ANO2: variants seen among roughly 807,000 people sequenced by gnomAD.
The protein encoded by ANO2 is anoctamin 2.
Under a neutral mutation model 124.2 loss-of-function variants are expected in ANO2, and 101 were observed. That is an observed-to-expected ratio of 0.81 (90% CI 0.69 to 0.96). ANO2 has a LOEUF of 0.96. Ranked by LOEUF, ANO2 falls within the 40% of genes least tolerant of loss-of-function variation. The pLI is 0.00. For missense variants in ANO2, 1,293 were observed against 1,274.5 expected, an observed-to-expected ratio of 1.01 and a Z score of -0.22; for synonymous variants, 486 against 482.5, an observed-to-expected ratio of 1.01 and a Z score of -0.09.
chr12:5,773,706 T>C (rs1171399826), intron 10 of ANO2, among the ~76,000 whole-genome samples: 2 of 151,946 alleles, frequency 1.3e-5, no homozygotes, highest in Non-Finnish European at 2.9e-5. Flanking sequence ...CCCAGAAAGG[T>C]TCTCTCCAAG....
intron 4 of ANO2, among the ~76,000 whole-genome samples, chr12:5,845,446 A>G (rs1327959825): frequency 3.3e-5 from 5 of 151,742 alleles, no homozygotes; most frequent in African/African-American, 1.2e-4. Flanking sequence ...AGGCACCTGT[A>G]GTCCCAGCTA....
chr12:5,610,861 A>C (rs113347142), intron 19 of ANO2, among the ~76,000 whole-genome samples: 9,259 of 82,006 alleles, frequency 0.11, 433 homozygotes, highest in African/African-American at 0.16. Context: ...CACACACACA[A>C]CCCTAAGGGA....
intron 10 of ANO2, among the ~76,000 whole-genome samples, chr12:5,761,058 C>CA (rs34278479): frequency 0.33 from 40,254 of 120,550 alleles, 7,554 homozygotes; most frequent in East Asian, 0.55. Flanking sequence ...ACCCCCACAG[C>CA]AAAAAAAAAA....
chr12:5,668,384 C>G (rs796385875), intron 14 of ANO2, among the ~76,000 whole-genome samples: 6 of 152,034 alleles, frequency 3.9e-5, no homozygotes, highest in Non-Finnish European at 7.3e-5. Flanking sequence ...GTCCTCTCCC[C>G]ACTTTTTAAT....
At chr12:5,602,820 A>G (rs773788477) in intron 19 of ANO2, among the ~76,000 whole-genome samples, 3 of 152,226 alleles carry the variant, frequency 2.0e-5, no homozygotes, top group Non-Finnish European at 2.9e-5. Context: ...GGAATCAAAA[A>G]TAGGTTACAA....
chr12:5,736,375 T>C (rs142525811), intron 13 of ANO2, among the ~76,000 whole-genome samples: 3 of 152,284 alleles, frequency 2.0e-5, no homozygotes, highest in East Asian at 3.9e-4. Flanking sequence ...TGTATGTCAG[T>C]TGGCACCCTC....
intron 4 of ANO2, among the ~76,000 whole-genome samples, chr12:5,839,138 C>T (rs1954425200): frequency 6.6e-6 from 1 of 152,166 alleles, no homozygotes; most frequent in South Asian, 2.1e-4. Flanking sequence ...CCTGTGAGTC[C>T]AGCTCGCTGC....
At chr12:5,707,048 C>T (rs892429398) in intron 14 of ANO2, among the ~76,000 whole-genome samples, 4 of 152,174 alleles carry the variant, frequency 2.6e-5, no homozygotes, top group African/African-American at 9.7e-5. Context: ...TCTGTGTCCC[C>T]ACCCAAATCT....
intron 14 of ANO2, among the ~76,000 whole-genome samples, chr12:5,730,408 G>A (rs12315906): frequency 0.019 from 2,939 of 152,246 alleles, 86 homozygotes; most frequent in African/African-American, 0.062. Flanking sequence ...GCACCACTCT[G>A]GGCCTCAGTA....
intron 16 of ANO2, among the ~76,000 whole-genome samples, chr12:5,631,392 C>G (rs538217082): frequency 6.6e-6 from 1 of 152,322 alleles, no homozygotes; most frequent in South Asian, 2.1e-4. Context: ...ACCAACTCCC[C>G]CAGAGTGCAC....
Position 5,787,900 on chromosome 12 carries a change from T to C in ANO2, c.1055+11607A>G, listed in dbSNP as rs1353508233. Among the ~76,000 whole-genome samples, 2 of 152,108 alleles carry C rather than the reference T, an allele frequency of 1.3e-5. No individual in the cohort carries two copies. The highest frequency in any genetic ancestry group is 2.9e-5 in the Non-Finnish European group (2 of 68,022). On this transcript the variant is annotated intron_variant, in intron 10 of 24. Coordinates refer to ENST00000682330, the MANE Select transcript of ANO2 (RefSeq NM_001364791.2). The surrounding 1 kb of genome is among the most constrained non-coding windows in gnomAD (Gnocchi z 4.2). Reference sequence around the variant, plus strand: ...AGGCCAGACCCAGCTGGACCATAGGTCCAGACGTGCCCGAAACAGTCCCAC... The same window carrying C: ...AGGCCAGACCCAGCTGGACCATAGGCCCAGACGTGCCCGAAACAGTCCCAC...
chr12:5,583,874 T>C (rs1313967998), intron 20 of ANO2: 4 of 198,196 alleles, frequency 2.0e-5, no homozygotes, highest in African/African-American at 4.7e-5. Context: ...TGAACAAAGA[T>C]GGCATTCCCA....
At chr12:5,876,831 G>A (rs1055096169) in intron 3 of ANO2, among the ~76,000 whole-genome samples, 9 of 152,154 alleles carry the variant, frequency 5.9e-5, no homozygotes, top group African/African-American at 1.9e-4. Context: ...CCTGTCAGGG[G>A]TAGGGGGTTA....
At chr12:5,932,763 A>C (rs1426683528) in intron 1 of ANO2, among the ~76,000 whole-genome samples, 2 of 151,664 alleles carry the variant, frequency 1.3e-5, no homozygotes, top group East Asian at 3.9e-4. Context: ...GAAGACTAAC[A>C]AGGAGATAAT....
intron 3 of ANO2, among the ~76,000 whole-genome samples, chr12:5,889,078 A>G (rs550001303): frequency 7.2e-5 from 11 of 152,300 alleles, no homozygotes; most frequent in African/African-American, 2.6e-4. Flanking sequence ...CGAGCACAGC[A>G]GCTGCTGGCC....
chr12:5,904,280 C>T lies in ANO2; in HGVS notation c.534+16760G>A, dbSNP rs756798162. Among the ~76,000 whole-genome samples, 1 of 152,208 alleles carries T rather than the reference C, an allele frequency of 6.6e-6. No individual in the cohort carries two copies. Among genetic ancestry groups the T allele is most frequent in the Non-Finnish European group, 1.5e-5 (1 of 68,038 alleles). ...AGCCAATATGATGTGATTTCCAGAA[C>T]CTGCTCCACCTGCTGGTGCCCAATA... On this transcript the variant is annotated intron_variant, in intron 3 of 24. Transcript: ENST00000682330. This position sits in a 1 kb window ranked among gnomAD's most constrained non-coding sequence, Gnocchi z 4.1.
At chr12:5,671,875 T>G (rs1182083658) in intron 14 of ANO2, among the ~76,000 whole-genome samples, 1 of 152,232 alleles carries the variant, frequency 6.6e-6, no homozygotes, top group Non-Finnish European at 1.5e-5. Flanking sequence ...TGTTAACTTT[T>G]CCTTGAGCTC....
At position 5,922,801 on chromosome 12, in the gene ANO2, A is replaced by AT. The variant is rs1565782790; in HGVS notation, c.25dup (p.Ile9AsnfsTer71). 3 of 1,500,824 alleles carry AT rather than the reference A, an allele frequency of 2.0e-6. No individual in the cohort carries two copies. Among genetic ancestry groups the AT allele is most frequent in the Admixed American group, 4.6e-5 (2 of 43,698 alleles). 93.0% of individuals were successfully genotyped at this position (1,500,824 alleles called of 1,614,324 possible). ...GCGTGGGGAGCCAGGGAGCAGGGGTATATCTGTGAGAGGGAAAGACAAGGG... is the reference window on the plus strand; with the variant it reads ...GCGTGGGGAGCCAGGGAGCAGGGGTATTATCTGTGAGAGGGAAAGACAAGGG... On this transcript the variant is annotated frameshift_variant, in exon 2 of 25. Coordinates refer to ENST00000682330, the MANE Select transcript of ANO2 (RefSeq NM_001364791.2). LOFTEE classifies it high-confidence loss of function.
intron 14 of ANO2, among the ~76,000 whole-genome samples, chr12:5,666,221 A>G (rs2361590): frequency 0.66 from 100,292 of 152,130 alleles, 33,883 homozygotes; most frequent in East Asian, 0.96. Flanking sequence ...AGAGTAGGCA[A>G]CCTGGAAAAA....
Sources: allele counts gnomAD v4.1 joint callset (sites outside exome capture counted in the v4.1 genomes callset), GRCh38; gene constraint gnomAD v4.1.1; non-coding constraint Gnocchi (gnomAD v3.1); transcripts MANE v1.5; gene names NCBI Gene and HGNC (gene_info 2026-07-23, HGNC 2026-07-21).